The following DYM variants were observed in gnomAD, a reference collection of about 807,000 sequenced individuals.
DYM encodes the protein dymeclin, also known as dyggve-Melchior-Clausen syndrome protein.
Under a neutral mutation model 93.1 loss-of-function variants are expected in DYM, and 78 were observed. The observed-to-expected ratio is 0.84, with a 90% CI of 0.70 to 1.01. The LOEUF is 1.01. Ranked by LOEUF, DYM falls within the 50% of genes least tolerant of loss-of-function variation. The probability of loss-of-function intolerance (pLI) is 0.00; values close to 1 mark genes in which losing one functional copy is unlikely to be tolerated. For missense variants in DYM, 789 were observed against 845.0 expected (o/e 0.93, Z 0.82); for synonymous variants, 321 against 319.7 (o/e 1.00, Z -0.04).
Position 49,036,994 on chromosome 18 carries a change from C to T in DYM, c.*7061G>A, listed in dbSNP as rs1489762146. On this transcript the variant is annotated 3_prime_UTR_variant, in exon 18 of 18. Transcript: ENST00000675505. ...TCTGCCCACTGAACCCTCCACCTCC[C>T]AGGTTCAAGCAATTCTCTTGCCTCA... 2.0e-5 allele frequency among the ~76,000 whole-genome samples: 3 copies of T among 152,114 alleles called. No individual in the cohort carries two copies. The highest frequency in any genetic ancestry group is 6.5e-5 in the Admixed American group (1 of 15,272).
At chr18:49,056,459 G>A (rs1293348048) in intron 17 of DYM, among the ~76,000 whole-genome samples, 2 of 152,134 alleles carry the variant, frequency 1.3e-5, no homozygotes, top group African/African-American at 2.4e-5. Context: ...AAAAATATTC[G>A]TATTTGTAAG....
intron 15 of DYM, among the ~76,000 whole-genome samples, chr18:49,119,653 A>C (rs1276299659): frequency 6.6e-6 from 1 of 152,218 alleles, no homozygotes; most frequent in African/African-American, 2.4e-5. Flanking sequence ...TTATCAACAA[A>C]GGTGGTTAAG....
At chr18:49,149,141 G>T (rs1230926320) in intron 15 of DYM, among the ~76,000 whole-genome samples, 2 of 152,060 alleles carry the variant, frequency 1.3e-5, no homozygotes, top group African/African-American at 2.4e-5. Context: ...TTCACAATAG[G>T]GTTGGCGCTC....
At chr18:49,210,372 T>C (rs569199602) in intron 13 of DYM, among the ~76,000 whole-genome samples, 2 of 152,326 alleles carry the variant, frequency 1.3e-5, no homozygotes, top group African/African-American at 2.4e-5. Context: ...GATTATTATT[T>C]AGGGCTAAAA....
At chr18:49,106,367 A>G (rs928186557) in intron 16 of DYM, among the ~76,000 whole-genome samples, 1 of 152,150 alleles carries the variant, frequency 6.6e-6, no homozygotes, top group Non-Finnish European at 1.5e-5. Context: ...CCAATTTGCC[A>G]GTCTGTGTCT....
intron 15 of DYM, among the ~76,000 whole-genome samples, chr18:49,129,634 A>G (rs2083196048): frequency 6.6e-6 from 1 of 152,212 alleles, no homozygotes; most frequent in South Asian, 2.1e-4. Context: ...ATGTTCACTT[A>G]AGAGTTCTTT....
intron 16 of DYM, among the ~76,000 whole-genome samples, chr18:49,108,533 C>A (rs755299579): frequency 1.3e-5 from 2 of 152,194 alleles, no homozygotes; most frequent in Non-Finnish European, 1.5e-5. Context: ...TGTTCCTATT[C>A]GGCCATCTTG....
At chr18:49,227,449 T>C (rs937759324) in intron 13 of DYM, among the ~76,000 whole-genome samples, 1 of 152,180 alleles carries the variant, frequency 6.6e-6, no homozygotes, top group Non-Finnish European at 1.5e-5. Flanking sequence ...GTCATTAAAA[T>C]AAGAACAAGT....
intron 3 of DYM, among the ~76,000 whole-genome samples, chr18:49,383,680 T>C (rs1008676616): frequency 3.3e-5 from 5 of 152,222 alleles, no homozygotes; most frequent in African/African-American, 9.6e-5. Flanking sequence ...ACAGCCAACA[T>C]TGTATAAACC....
intron 13 of DYM, among the ~76,000 whole-genome samples, chr18:49,219,061 T>C (rs2093219957): frequency 6.6e-6 from 1 of 151,984 alleles, no homozygotes; most frequent in South Asian, 2.1e-4. Context: ...CAATAAAAAA[T>C]GATAAAGGGA....
At chr18:49,388,523 A>C (rs1454193495) in intron 3 of DYM, among the ~76,000 whole-genome samples, 1 of 151,944 alleles carries the variant, frequency 6.6e-6, no homozygotes, top group African/African-American at 2.4e-5. Flanking sequence ...GAGGAGAGAC[A>C]GAATAGAACA....
intron 2 of DYM, among the ~76,000 whole-genome samples, chr18:49,398,277 G>C (rs1156798123): frequency 6.6e-6 from 1 of 152,084 alleles, no homozygotes; most frequent in East Asian, 1.9e-4. Context: ...TCTGCTGTCT[G>C]TCTCTCTGTC....
At chr18:49,262,107 G>A (rs1331369445) in intron 11 of DYM, among the ~76,000 whole-genome samples, 3 of 152,190 alleles carry the variant, frequency 2.0e-5, no homozygotes. Context: ...TTAGATTAAT[G>A]TGGACTCTAG....
At chr18:49,148,229 T>C (rs2085384553) in intron 15 of DYM, among the ~76,000 whole-genome samples, 1 of 151,960 alleles carries the variant, frequency 6.6e-6, no homozygotes, top group Non-Finnish European at 1.5e-5. Flanking sequence ...GCATTAGGGA[T>C]ATACCTAATG....
At chr18:49,114,534 T>A (rs1332595276) in intron 16 of DYM, 1 of 984,410 alleles carries the variant, frequency 1.0e-6, no homozygotes, top group Non-Finnish European at 1.2e-6. Context: ...CTTCCTCACC[T>A]CCACTCTGCT....
intron 17 of DYM, among the ~76,000 whole-genome samples, chr18:49,071,544 A>C (rs2076889893): frequency 6.6e-6 from 1 of 152,202 alleles, no homozygotes; most frequent in Non-Finnish European, 1.5e-5. Flanking sequence ...TGGGGTTCAG[A>C]TTATGAGCAA....
chr18:49,088,808 G>A (rs1420758491), intron 17 of DYM, among the ~76,000 whole-genome samples: 1 of 151,988 alleles, frequency 6.6e-6, no homozygotes, highest in Non-Finnish European at 1.5e-5. Flanking sequence ...AAGATAAGAG[G>A]GACTAAAATA....
chr18:49,129,316 G>A (rs116784717), intron 15 of DYM, among the ~76,000 whole-genome samples: 175 of 152,120 alleles, frequency 1.2e-3, no homozygotes, highest in African/African-American at 4.0e-3. Context: ...TTCCGTGTAG[G>A]ATGTGCAAAG....
At chr18:49,415,170 A>G (rs1440042250) in intron 2 of DYM, among the ~76,000 whole-genome samples, 1 of 151,710 alleles carries the variant, frequency 6.6e-6, no homozygotes, top group Admixed American at 6.6e-5. Flanking sequence ...CAAAAATACA[A>G]AAATTAGCCG....
Sources: allele counts gnomAD v4.1 joint callset (sites outside exome capture counted in the v4.1 genomes callset), GRCh38; gene constraint gnomAD v4.1.1; transcripts MANE v1.5; gene names NCBI Gene and HGNC (gene_info 2026-07-23, HGNC 2026-07-21).